TFEC: variants seen among roughly 807,000 people sequenced by gnomAD.
TFEC encodes transcription factor EC, also known as class E basic helix-loop-helix protein 34.
In TFEC, 31 loss-of-function variants were observed where a neutral mutation model predicts 41.6. The observed-to-expected ratio is 0.74, with a 90% confidence interval of 0.56 to 1.01. The LOEUF is 1.01. Among genes scored for constraint, TFEC ranks in the 50% least tolerant of loss-of-function variants. The pLI, the probability that TFEC is intolerant of heterozygous loss-of-function variation, is 0.00. For missense variants in TFEC, 402 were observed against 404.1 expected (o/e 0.99, Z 0.04); for synonymous variants, 143 against 140.6 (o/e 1.02, Z -0.12).
intron 1 of TFEC, among the ~76,000 whole-genome samples, chr7:116,005,113 T>C (rs189429153): frequency 3.3e-4 from 51 of 152,308 alleles, no homozygotes; most frequent in Admixed American, 3.1e-3. Flanking sequence ...CTCTTTCTTT[T>C]GTAAATTGCC....
At position 116,006,103 on chromosome 7, in the gene TFEC, G is replaced by A. The variant is rs143912051; in HGVS notation, c.-72-21590C>T. On this transcript the variant is annotated intron_variant, in intron 1 of 7. Coordinates refer to ENST00000265440, the MANE Select transcript of TFEC (RefSeq NM_012252.4). ...AGGCAGAAGTTTGCTGCAGGGACAG[G>A]GCCCTCATAGAGAACCTCTGCTAGG... is the stretch of plus-strand genomic sequence containing the variant. Among the ~76,000 whole-genome samples, 1,006 of 152,314 alleles carry A rather than the reference G, an allele frequency of 6.6e-3. 11 individuals are homozygous for A. Among genetic ancestry groups the A allele is most frequent in the African/African-American group, 0.023 (948 of 41,562 alleles).
intron 1 of TFEC, among the ~76,000 whole-genome samples, chr7:116,135,245 G>T (rs779122314): frequency 6.6e-6 from 1 of 152,042 alleles, no homozygotes; most frequent in Admixed American, 6.6e-5. Context: ...AAGCTCCACC[G>T]TTTCACTGTA....
rs1793294570 is a variant in TFEC at position 115,937,644 on chromosome 7, G to C, written c.*2907C>G. 6.6e-6 allele frequency: 1 copy of C among 151,676 alleles called. No individual in the cohort carries two copies. The highest frequency in any genetic ancestry group is 2.4e-5 in the African/African-American group (1 of 41,384). 9.4% of individuals were successfully genotyped at this position (151,676 alleles called of 1,614,324 possible). A position where few individuals can be genotyped will look rare whatever the true frequency, so the allele number is the denominator to read the frequency against. On this transcript the variant is annotated 3_prime_UTR_variant, in exon 8 of 8. Transcript: ENST00000265440. Reference sequence around the variant, plus strand: ...TTCATAAATGAACAACTTTTTTAGTGAATAATCTAAAGTTTGGTACACTAT... The same window carrying C: ...TTCATAAATGAACAACTTTTTTAGTCAATAATCTAAAGTTTGGTACACTAT...
At chr7:116,007,174 G>A (rs1794831143) in intron 1 of TFEC, among the ~76,000 whole-genome samples, 1 of 152,026 alleles carries the variant, frequency 6.6e-6, no homozygotes, top group South Asian at 2.1e-4. Flanking sequence ...TAATGCAGGA[G>A]TTCTGACTAC....
intron 3 of TFEC, among the ~76,000 whole-genome samples, chr7:116,101,074 A>T (rs1171477969): frequency 6.6e-6 from 1 of 152,110 alleles, no homozygotes; most frequent in Non-Finnish European, 1.5e-5. Context: ...TTATTGAAAC[A>T]AAGAAACATT....
chr7:115,951,017 AT>A, intron 5 of TFEC, 68 bp from the exon 6 acceptor site: 1 of 905,274 alleles, frequency 1.1e-6, no homozygotes, highest in Non-Finnish European at 1.6e-6. Flanking sequence ...AGCTGTAAAC[AT>A]TTTTAACAAT....
At chr7:116,079,739 A>C (rs1797044776) in intron 3 of TFEC, among the ~76,000 whole-genome samples, 1 of 152,180 alleles carries the variant, frequency 6.6e-6, no homozygotes, top group South Asian at 2.1e-4. Flanking sequence ...CAATATTGTG[A>C]AAATGACCAT....
Position 116,047,573 on chromosome 7 carries a change from G to T in TFEC, c.199-63060C>A, listed in dbSNP as rs1796199977. On this transcript the variant is annotated intron_variant, in intron 3 of 8. Coordinates refer to the TFEC transcript ENST00000484212. ...TACCTCTGTAGACTCCACCTCTGAG[G>T]GCAGGGCATAGCTGAACAAAAGGCA... Among the ~76,000 whole-genome samples the T allele has an allele frequency of 2.0e-5, 3 of 152,148 alleles. No homozygotes were observed. The South Asian group carries it at 6.2e-4, about 32-fold the overall frequency.
chr7:116,025,431 C>A (rs1438090932), intron 1 of TFEC, among the ~76,000 whole-genome samples: 1 of 152,090 alleles, frequency 6.6e-6, no homozygotes, highest in African/African-American at 2.4e-5. Context: ...CTAAATCCAA[C>A]CCAAGTTTGA....
chr7:115,967,628 T>A (rs1319209930), intron 3 of TFEC, among the ~76,000 whole-genome samples: 2 of 151,784 alleles, frequency 1.3e-5, no homozygotes, highest in African/African-American at 4.8e-5. Flanking sequence ...AATCCCACTG[T>A]GTTATTGCTG....
intron 6 of TFEC, among the ~76,000 whole-genome samples, chr7:115,945,494 C>A (rs1014644297): frequency 6.6e-6 from 1 of 151,566 alleles, no homozygotes; most frequent in East Asian, 2.0e-4. Context: ...GAGGCCACAG[C>A]AAGCCAAGGA....
At chr7:116,033,814 G>A (rs1164725359), upstream of TFEC, among the ~76,000 whole-genome samples, 2 of 152,048 alleles carry the variant, frequency 1.3e-5, no homozygotes, top group Non-Finnish European at 2.9e-5. Flanking sequence ...AATCTTCTCT[G>A]AACCCTACTT....
At chr7:116,044,577 A>C (rs933231520) in intron 3 of TFEC, among the ~76,000 whole-genome samples, 7 of 152,164 alleles carry the variant, frequency 4.6e-5, no homozygotes, top group Admixed American at 2.6e-4. Context: ...CAATTTCTTT[A>C]GTTTTTATTT....
At chr7:115,996,783 G>C (rs900931508) in intron 1 of TFEC, among the ~76,000 whole-genome samples, 2 of 152,036 alleles carry the variant, frequency 1.3e-5, no homozygotes, top group African/African-American at 4.8e-5. Context: ...TGAACATTGG[G>C]AGTAACCAAC....
chr7:115,968,414 C>T, intron 3 of TFEC: 1 of 890,896 alleles, frequency 1.1e-6, no homozygotes, highest in Non-Finnish European at 1.6e-6. Context: ...AAGTTCCAAC[C>T]AAGCACAGGG....
chr7:116,102,480 T>C (rs1288824284), intron 3 of TFEC, among the ~76,000 whole-genome samples: 1 of 152,082 alleles, frequency 6.6e-6, no homozygotes, highest in Non-Finnish European at 1.5e-5. Context: ...ATTGTAAGAA[T>C]ACAGAAATAA....
intron 1 of TFEC, among the ~76,000 whole-genome samples, chr7:116,136,900 T>C (rs1225334797): frequency 6.6e-5 from 10 of 152,098 alleles, no homozygotes; most frequent in Non-Finnish European, 4.4e-5. Flanking sequence ...TAAAGCACCA[T>C]ATCTAATTCA....
intron 1 of TFEC, among the ~76,000 whole-genome samples, chr7:116,132,807 G>GA (rs1400725185): frequency 1.3e-5 from 2 of 152,134 alleles, no homozygotes; most frequent in Non-Finnish European, 2.9e-5. Context: ...TAGTTAGCTG[G>GA]AAAAAAGTGA....
At chr7:115,964,575 T>G (rs987981672) in intron 3 of TFEC, among the ~76,000 whole-genome samples, 1 of 151,558 alleles carries the variant, frequency 6.6e-6, no homozygotes, top group African/African-American at 2.4e-5. Context: ...AGAAAAAGAA[T>G]CTATGATCAT....
Sources: allele counts gnomAD v4.1 joint callset (sites outside exome capture counted in the v4.1 genomes callset), GRCh38; gene constraint gnomAD v4.1.1; transcripts MANE v1.5; gene names NCBI Gene and HGNC (gene_info 2026-07-23, HGNC 2026-07-21).